The following EDIL3 variants were observed in gnomAD, a reference collection of about 807,000 sequenced individuals.
The protein encoded by EDIL3 is EGF like and discoidin domains 3, also known as EGF-like repeat and discoidin I-like domain-containing protein 3.
Under a neutral mutation model 67.4 loss-of-function variants are expected in EDIL3, and 37 were observed. The observed-to-expected ratio is 0.55, with a 90% CI of 0.42 to 0.72. The LOEUF (loss-of-function observed/expected upper bound fraction) is 0.72, where lower values mean the gene tolerates loss of function less well. EDIL3 is among the 30% of genes least tolerant of loss of function. The pLI, the probability that EDIL3 is intolerant of heterozygous loss-of-function variation, is 0.00. For missense variants in EDIL3, 527 were observed against 586.3 expected, an observed-to-expected ratio of 0.90 and a Z score of 1.04; for synonymous variants, 195 against 196.3, an observed-to-expected ratio of 0.99 and a Z score of 0.05.
At chr5:84,324,848 T>G (rs1462646117) in intron 1 of EDIL3, among the ~76,000 whole-genome samples, 3 of 151,548 alleles carry the variant, frequency 2.0e-5, no homozygotes, top group African/African-American at 4.8e-5. Context: ...CTGTCATCAC[T>G]AAATGACAGA....
At chr5:83,949,079 T>G (rs2112114961) in intron 10 of EDIL3, among the ~76,000 whole-genome samples, 1 of 151,938 alleles carries the variant, frequency 6.6e-6, no homozygotes, top group East Asian at 2.0e-4. Context: ...AAGTAGGGGT[T>G]TCTGTTGGAG....
intron 1 of EDIL3, among the ~76,000 whole-genome samples, chr5:84,334,605 T>G (rs1561260729): frequency 6.6e-6 from 1 of 152,120 alleles, no homozygotes; most frequent in Non-Finnish European, 1.5e-5. Flanking sequence ...TTGAAAGTAT[T>G]TTATGTGCTA....
intron 2 of EDIL3, among the ~76,000 whole-genome samples, chr5:84,240,976 A>G (rs1275055268): frequency 6.6e-6 from 1 of 152,172 alleles, no homozygotes; most frequent in Non-Finnish European, 1.5e-5. Context: ...AAATGTTCCA[A>G]TATCATAATG....
chr5:84,288,419 G>A (rs1248472106), intron 1 of EDIL3, among the ~76,000 whole-genome samples: 3 of 152,016 alleles, frequency 2.0e-5, no homozygotes, highest in African/African-American at 7.2e-5. Flanking sequence ...GTTAAAAAAT[G>A]TCAGGTTATG....
intron 9 of EDIL3, among the ~76,000 whole-genome samples, chr5:83,976,269 A>G (rs1318430691): frequency 1.3e-5 from 2 of 151,890 alleles, no homozygotes; most frequent in Non-Finnish European, 2.9e-5. Flanking sequence ...TGCTTCAGGA[A>G]CGAGAAATAT....
At chr5:84,333,982 G>A (rs1328156919) in intron 1 of EDIL3, among the ~76,000 whole-genome samples, 2 of 151,738 alleles carry the variant, frequency 1.3e-5, no homozygotes. Context: ...TCAAAAGTAG[G>A]TACCAGTAGC....
At chr5:84,332,655 G>C (rs1039759144) in intron 1 of EDIL3, among the ~76,000 whole-genome samples, 1 of 152,124 alleles carries the variant, frequency 6.6e-6, no homozygotes, top group African/African-American at 2.4e-5. Flanking sequence ...AGCATTACTA[G>C]TATTTGTCAT....
At chr5:84,257,453 T>C (rs1000409468) in intron 1 of EDIL3, among the ~76,000 whole-genome samples, 1 of 152,224 alleles carries the variant, frequency 6.6e-6, no homozygotes, top group African/African-American at 2.4e-5. Flanking sequence ...CTTATTTCCA[T>C]CATTAGCATA....
chr5:83,997,491 G>T (rs917999184), intron 9 of EDIL3, among the ~76,000 whole-genome samples: 3 of 152,174 alleles, frequency 2.0e-5, no homozygotes, highest in African/African-American at 7.2e-5. Context: ...CATGAAAGTA[G>T]TTGGTGTGAC....
intron 1 of EDIL3, among the ~76,000 whole-genome samples, chr5:84,330,322 T>G (rs897830279): frequency 7.2e-5 from 11 of 152,252 alleles, no homozygotes; most frequent in Admixed American, 5.2e-4. Context: ...TTCATTTAGG[T>G]GACAATAAAA....
At chr5:84,117,020 ATTT>A (rs34997139) in intron 5 of EDIL3, among the ~76,000 whole-genome samples, 4 of 83,236 alleles carry the variant, frequency 4.8e-5, no homozygotes, top group South Asian at 9.4e-4. Flanking sequence ...TTAAGTACTT[ATTT>A]TTTTTTTTTT....
At chr5:84,062,680 C>T (rs917504055) in intron 8 of EDIL3, among the ~76,000 whole-genome samples, 1 of 152,044 alleles carries the variant, frequency 6.6e-6, no homozygotes, top group African/African-American at 2.4e-5. Context: ...AGATTACCTG[C>T]TCATCTTCTA....
chr5:84,209,633 A>AC (rs1554035860), intron 3 of EDIL3, among the ~76,000 whole-genome samples: 1 of 101,992 alleles, frequency 9.8e-6, no homozygotes, highest in Non-Finnish European at 2.2e-5. Context: ...AACTAAACTT[A>AC]TTAAAAAAAA....
At chr5:84,008,992 A>T (rs1419255783) in intron 9 of EDIL3, among the ~76,000 whole-genome samples, 3 of 151,958 alleles carry the variant, frequency 2.0e-5, no homozygotes, top group African/African-American at 7.2e-5. Flanking sequence ...TTGTATTTTT[A>T]GTAAAGATGG....
At chr5:83,984,900 C>T (rs1318565653) in intron 9 of EDIL3, among the ~76,000 whole-genome samples, 1 of 151,604 alleles carries the variant, frequency 6.6e-6, no homozygotes, top group Non-Finnish European at 1.5e-5. Context: ...TACATTATAG[C>T]ATTAAGCCAG....
At chr5:84,210,307 T>C (rs918273136) in intron 3 of EDIL3, among the ~76,000 whole-genome samples, 3 of 152,128 alleles carry the variant, frequency 2.0e-5, no homozygotes, top group Non-Finnish European at 4.4e-5. Context: ...CGTTTTGCAA[T>C]GATGTGTTAC....
At chr5:84,291,469 G>A (rs750793990) in intron 1 of EDIL3, among the ~76,000 whole-genome samples, 68 of 151,790 alleles carry the variant, frequency 4.5e-4, no homozygotes, top group Non-Finnish European at 8.5e-4. Flanking sequence ...AACCCTGAAA[G>A]GTGGGAAATA....
intron 6 of EDIL3, among the ~76,000 whole-genome samples, chr5:84,079,677 G>A (rs892115293): frequency 1.3e-5 from 2 of 151,972 alleles, no homozygotes; most frequent in Non-Finnish European, 2.9e-5. Context: ...GTAACCATCT[G>A]TTTTGGGTGA....
At chr5:84,322,247 A>T (rs1422338192) in intron 1 of EDIL3, among the ~76,000 whole-genome samples, 1 of 151,992 alleles carries the variant, frequency 6.6e-6, no homozygotes, top group East Asian at 1.9e-4. Context: ...ACCCTGAAAA[A>T]GATCTAATGG....
Sources: allele counts gnomAD v4.1 joint callset (sites outside exome capture counted in the v4.1 genomes callset), GRCh38; gene constraint gnomAD v4.1.1; transcripts MANE v1.5; gene names NCBI Gene and HGNC (gene_info 2026-07-23, HGNC 2026-07-21).